The following DAP variants were observed in gnomAD, a reference collection of about 807,000 sequenced individuals.
DAP encodes death associated protein, also known as death-associated protein 1.
In DAP, 8 loss-of-function variants were observed where a neutral mutation model predicts 13.8. The ratio of observed to expected loss-of-function variants is 0.58; its 90% CI spans 0.34 to 1.05. The LOEUF is 1.05. DAP is among the 50% of genes least tolerant of loss of function. The pLI is 0.03. For synonymous variants in DAP, 47 were observed against 47.5 expected (o/e 0.99, Z 0.04); for missense variants, 106 against 133.2 (o/e 0.80, Z 1.01).
chr5:10,754,944 G>A (rs191118795), intron 1 of DAP, among the ~76,000 whole-genome samples: 157 of 152,290 alleles, frequency 1.0e-3, no homozygotes, highest in South Asian at 8.3e-4. Context: ...GAGTGTGCTG[G>A]GCTACACGGC....
At position 10,698,282 on chromosome 5, in the gene DAP, CAAAAAAA is replaced by C. The variant is rs71613386; in HGVS notation, c.153-14718_153-14712del. Among the ~76,000 whole-genome samples, 26 of 42,898 alleles carry C rather than the reference CAAAAAAA, an allele frequency of 6.1e-4. No individual in the cohort carries two copies. The East Asian group carries it at 9.1e-3, about 15-fold the overall frequency. 28.1% of individuals were successfully genotyped at this position (42,898 alleles called of 152,430 possible). A position where few individuals can be genotyped will look rare whatever the true frequency, so the allele number is the denominator to read the frequency against. On this transcript the variant is annotated intron_variant, in intron 2 of 3. Coordinates refer to ENST00000230895, the MANE Select transcript of DAP (RefSeq NM_004394.3). The stretch of plus-strand genomic sequence containing the variant: ...GCACTTGGGCCTTTTCCAGACTTAG[CAAAAAAA>C]AAAAAAAAAAAAAAAAAAGAGAGCA...
At chr5:10,722,605 C>T (rs377107300) in intron 2 of DAP, among the ~76,000 whole-genome samples, 2 of 147,870 alleles carry the variant, frequency 1.4e-5, no homozygotes, top group South Asian at 2.1e-4. Flanking sequence ...CATATATATA[C>T]ATATATACAC....
chr5:10,705,559 G>A (rs2126648031), intron 2 of DAP, among the ~76,000 whole-genome samples: 1 of 152,368 alleles, frequency 6.6e-6, no homozygotes, highest in East Asian at 1.9e-4. Flanking sequence ...AACAGAAGCA[G>A]TTCCATGCAG....
chr5:10,709,509 T>A (rs1033889521), intron 2 of DAP, among the ~76,000 whole-genome samples: 4 of 152,190 alleles, frequency 2.6e-5, no homozygotes, highest in Non-Finnish European at 4.4e-5. Flanking sequence ...TTGGGTGTGT[T>A]CAAAACATCC....
At chr5:10,732,398 C>G (rs1403641798) in intron 2 of DAP, among the ~76,000 whole-genome samples, 1 of 152,208 alleles carries the variant, frequency 6.6e-6, no homozygotes, top group African/African-American at 2.4e-5. Flanking sequence ...CTGCCTGTGT[C>G]TATGCATTTG....
At chr5:10,721,532 G>A (rs1469033048) in intron 2 of DAP, among the ~76,000 whole-genome samples, 1 of 152,180 alleles carries the variant, frequency 6.6e-6, no homozygotes, top group Non-Finnish European at 1.5e-5. Flanking sequence ...ACAGAGATAA[G>A]GAAGAGTATG....
At chr5:10,750,785 A>G (rs1447932807) in intron 1 of DAP, among the ~76,000 whole-genome samples, 3 of 152,038 alleles carry the variant, frequency 2.0e-5, no homozygotes, top group East Asian at 1.9e-4. Context: ...TTGTCCTGGG[A>G]GACTTGGAGG....
At chr5:10,759,987 TC>T (rs1170645444) in intron 1 of DAP, among the ~76,000 whole-genome samples, 2 of 152,138 alleles carry the variant, frequency 1.3e-5, no homozygotes, top group East Asian at 3.9e-4. Flanking sequence ...ACTCCTGACC[TC>T]AAGTGATCCA....
chr5:10,743,080 T>C (rs1739801900), intron 2 of DAP, among the ~76,000 whole-genome samples: 1 of 125,222 alleles, frequency 8.0e-6, no homozygotes, highest in South Asian at 2.4e-4. Flanking sequence ...CTCGGCTCTT[T>C]GTTTGTTGAA....
At chr5:10,687,569 G>C (rs985456337) in intron 2 of DAP, among the ~76,000 whole-genome samples, 2 of 152,172 alleles carry the variant, frequency 1.3e-5, no homozygotes, top group African/African-American at 4.8e-5. Context: ...TAGAAGTGGA[G>C]CCTGAAGATG....
At chr5:10,700,022 G>A (rs1167967931) in intron 2 of DAP, among the ~76,000 whole-genome samples, 1 of 152,246 alleles carries the variant, frequency 6.6e-6, no homozygotes, top group Non-Finnish European at 1.5e-5. Flanking sequence ...TCCGAGCTGA[G>A]ATGCACCTGG....
chr5:10,725,633 T>C (rs4702727), intron 2 of DAP, among the ~76,000 whole-genome samples: 13,038 of 152,320 alleles, frequency 0.086, 763 homozygotes, highest in East Asian at 0.29. Context: ...TCCCTAATAA[T>C]ACAATCCTAG....
intron 2 of DAP, among the ~76,000 whole-genome samples, chr5:10,718,430 A>G (rs1739053689): frequency 6.6e-6 from 1 of 152,214 alleles, no homozygotes; most frequent in Admixed American, 6.5e-5. Flanking sequence ...TATGGTGGGA[A>G]AGGCCAAATG....
chr5:10,715,584 G>A (rs900815735), intron 2 of DAP, among the ~76,000 whole-genome samples: 2 of 152,248 alleles, frequency 1.3e-5, no homozygotes, highest in South Asian at 2.1e-4. Flanking sequence ...TACTTTTGAA[G>A]AAGCTGCTGG....
intron 2 of DAP, among the ~76,000 whole-genome samples, chr5:10,717,027 T>C (rs959394856): frequency 7.9e-5 from 12 of 152,284 alleles, no homozygotes; most frequent in Admixed American, 5.2e-4. Flanking sequence ...ATAAATGCAT[T>C]TGGCACTCCT....
intron 2 of DAP, among the ~76,000 whole-genome samples, chr5:10,709,981 T>C (rs1414766666): frequency 6.6e-6 from 1 of 152,188 alleles, no homozygotes; most frequent in Admixed American, 6.5e-5. Flanking sequence ...CAGCGATCTG[T>C]GTGTAACCAG....
Position 10,686,351 on chromosome 5 carries a change from T to C in DAP, c.153-2780A>G, listed in dbSNP as rs1038034470. On this transcript the variant is annotated intron_variant, in intron 2 of 3. Coordinates refer to ENST00000230895, the MANE Select transcript of DAP (RefSeq NM_004394.3). The stretch of plus-strand genomic sequence containing the variant: ...AGGAAGAGTTGCATGTCTCTCACTT[T>C]CAATCAAAAGCTAGAAATGACCCAG... Among the ~76,000 whole-genome samples, 6 of 152,184 alleles carry C rather than the reference T, an allele frequency of 3.9e-5. No homozygotes were observed. The East Asian group carries it at 1.2e-3, about 29-fold the overall frequency.
chr5:10,742,986 CT>C (rs1324569391), intron 2 of DAP, among the ~76,000 whole-genome samples: 2 of 151,906 alleles, frequency 1.3e-5, no homozygotes, highest in Non-Finnish European at 2.9e-5. Flanking sequence ...CATACAGATA[CT>C]TCTAGTTCCC....
chr5:10,746,944 G>A (rs141467169), intron 2 of DAP, among the ~76,000 whole-genome samples: 1,601 of 152,320 alleles, frequency 0.011, 21 homozygotes, highest in Non-Finnish European at 0.013. Context: ...CACTCCATGA[G>A]AACTGGGTTG....
Sources: allele counts gnomAD v4.1 joint callset (sites outside exome capture counted in the v4.1 genomes callset), GRCh38; gene constraint gnomAD v4.1.1; transcripts MANE v1.5; gene names NCBI Gene and HGNC (gene_info 2026-07-23, HGNC 2026-07-21).